WSCD1: variants seen among roughly 807,000 people sequenced by gnomAD.
The protein encoded by WSCD1 is sialate:O-sulfotransferase 1.
WSCD1 carries 41 observed loss-of-function variants against 60.4 expected under a neutral mutation model. The ratio of observed to expected loss-of-function variants is 0.68; its 90% CI spans 0.53 to 0.88. The LOEUF (loss-of-function observed/expected upper bound fraction) is 0.88. Among genes scored for constraint, WSCD1 ranks in the 40% least tolerant of loss-of-function variants. WSCD1 has a pLI of 0.00. For missense variants in WSCD1, 784 were observed against 796.2 expected (o/e 0.98, Z 0.18); for synonymous variants, 361 against 332.5 (o/e 1.09, Z -0.93).
At chr17:6,085,259 T>G (rs1466547869) in intron 2 of WSCD1, among the ~76,000 whole-genome samples, 1 of 152,232 alleles carries the variant, frequency 6.6e-6, no homozygotes, top group African/African-American at 2.4e-5. Flanking sequence ...AACAGCCTTA[T>G]GATGTAAGTG....
intron 4 of WSCD1, among the ~76,000 whole-genome samples, chr17:6,094,780 A>AAGGAAGGG (rs1910298439): frequency 6.7e-6 from 1 of 149,700 alleles, no homozygotes; most frequent in African/African-American, 2.5e-5. Context: ...CAAGAGAAGG[A>AAGGAAGGG]AGGAAGGAAG....
intron 2 of WSCD1, among the ~76,000 whole-genome samples, chr17:6,084,105 C>G (rs947641324): frequency 3.9e-5 from 6 of 152,190 alleles, no homozygotes; most frequent in African/African-American, 1.4e-4. Flanking sequence ...GGCTGCCTCC[C>G]CAGTGGCTCC....
chr17:6,090,234 C>A (rs1440004159), intron 3 of WSCD1, 87 bp from the exon 4 acceptor site: 1 of 1,323,248 alleles, frequency 7.6e-7, no homozygotes, highest in Admixed American at 2.7e-5. Context: ...ACTTTCTAAT[C>A]TACATCAAGC....
Position 6,111,000 on chromosome 17 carries a change from C to G in WSCD1, c.1174+65C>G, listed in dbSNP as rs777173255. The stretch of plus-strand genomic sequence containing the variant: ...GGTGACCAAACTGTCACCTTGCCAG[C>G]CAAGCTTCTCAGAGCACTAGAGCAG... On this transcript the variant is annotated intron_variant, in intron 7 of 8. Transcript: ENST00000317744. This position sits in a 1 kb window ranked among gnomAD's most constrained non-coding sequence, Gnocchi z 4.8. 7.2e-6 allele frequency: 11 copies of G among 1,534,406 alleles called. No individual in the cohort carries two copies. The highest frequency in any genetic ancestry group is 9.7e-6 in the Non-Finnish European group (11 of 1,135,984).
Position 6,121,640 on chromosome 17 carries a change from C to G in WSCD1, c.*979C>G, listed in dbSNP as rs1172963227. The G allele has an allele frequency of 1.3e-5, 2 of 152,346 alleles. No individual in the cohort carries two copies. Among genetic ancestry groups the G allele is most frequent in the East Asian group, 3.9e-4 (2 of 5,164 alleles). The allele number at this position is 152,346 out of a possible 1,614,324, so 9.4% of individuals were successfully genotyped here. On this transcript the variant is annotated 3_prime_UTR_variant, in exon 9 of 9. Coordinates refer to ENST00000317744, the MANE Select transcript of WSCD1 (RefSeq NM_015253.2). Reference sequence around the variant, plus strand: ...GGACCTGTACACTAGCAGGATGGGTCTTGGGAGTTGGCATGGGGAGATTGT... The same window carrying G: ...GGACCTGTACACTAGCAGGATGGGTGTTGGGAGTTGGCATGGGGAGATTGT...
Position 6,117,981 on chromosome 17 carries a change from C to T in WSCD1, c.1175-7C>T, listed in dbSNP as rs964154554. 5.0e-6 allele frequency: 8 copies of T among 1,612,728 alleles called. No individual in the cohort carries two copies. In the African/African-American group the frequency reaches 1.1e-4, roughly 22 times the overall value. On this transcript the variant is annotated splice_polypyrimidine_tract_variant and splice_region_variant and intron_variant, in intron 7 of 8. Transcript: ENST00000317744. The stretch of plus-strand genomic sequence containing the variant: ...TTCCACAGAGACCCTCTCATTTTTC[C>T]CTGCAGGGTTCAAGGGCGAAAAGGA...
intron 5 of WSCD1, among the ~76,000 whole-genome samples, chr17:6,100,038 G>T (rs1910706807): frequency 6.6e-6 from 1 of 152,190 alleles, no homozygotes; most frequent in Non-Finnish European, 1.5e-5. Context: ...GGTGGGAGGG[G>T]CTGGTATGGC....
At chr17:6,105,762 G>A (rs1812962693) in intron 5 of WSCD1, among the ~76,000 whole-genome samples, 1 of 152,220 alleles carries the variant, frequency 6.6e-6, no homozygotes, top group Admixed American at 6.5e-5. Flanking sequence ...GGCTGTTACT[G>A]CTGGGAAGGG....
intron 2 of WSCD1, among the ~76,000 whole-genome samples, chr17:6,083,849 T>G (rs985053883): frequency 2.6e-5 from 4 of 152,116 alleles, no homozygotes; most frequent in Non-Finnish European, 5.9e-5. Context: ...CAGCCCTGAC[T>G]GCAGAGTGTA....
upstream of WSCD1, among the ~76,000 whole-genome samples, chr17:6,069,813 GGTGT>G (rs143740158): frequency 5.9e-4 from 86 of 146,654 alleles, 4 homozygotes; most frequent in South Asian, 0.015. Context: ...GTGCGTGTGT[GGTGT>G]GTGTGTGTAT....
chr17:6,102,156 G>GT (rs1279279241), intron 5 of WSCD1, among the ~76,000 whole-genome samples: 8 of 152,192 alleles, frequency 5.3e-5, no homozygotes, highest in Non-Finnish European at 1.0e-4. Flanking sequence ...TTTCTTCTAA[G>GT]TTTTTTTGCT....
chr17:6,081,126 C>A (rs1429563966), intron 2 of WSCD1, 41 bp downstream of exon 2: 31 of 1,500,646 alleles, frequency 2.1e-5, no homozygotes, highest in Non-Finnish European at 2.8e-5. Flanking sequence ...TTCCCAGGAC[C>A]CCCCATTCAG....
chr17:6,097,359 C>T (rs1012664867), intron 5 of WSCD1, among the ~76,000 whole-genome samples: 4 of 152,258 alleles, frequency 2.6e-5, no homozygotes, highest in African/African-American at 9.6e-5. Flanking sequence ...TCCTCTCACT[C>T]CATGCATTTC....
chr17:6,069,777 G>A (rs1352532138), upstream of WSCD1, among the ~76,000 whole-genome samples: 2 of 85,706 alleles, frequency 2.3e-5, no homozygotes, highest in Non-Finnish European at 4.6e-5. Context: ...GTGATCCGGT[G>A]TGTGTGTGTG....
rs375659487 is a variant in WSCD1 at position 6,118,339 on chromosome 17, T to C, written c.1375+151T>C. On this transcript the variant is annotated intron_variant, in intron 8 of 8. Transcript: ENST00000317744. This position sits in a 1 kb window ranked among gnomAD's most constrained non-coding sequence, Gnocchi z 5.8. ...CTCAAACCCCATCCTGCTAGGGACT[T>C]AGTGCTGCTGTGCCTGGGCTTGAGT... 2.3e-5 allele frequency: 20 copies of C among 855,360 alleles called. No individual in the cohort carries two copies. The highest frequency in any genetic ancestry group is 9.4e-5 in the Admixed American group (4 of 42,570). 53.0% of individuals were successfully genotyped at this position (855,360 alleles called of 1,614,324 possible). A position where few individuals can be genotyped will look rare whatever the true frequency, so the allele number is the denominator to read the frequency against.
intron 1 of WSCD1, among the ~76,000 whole-genome samples, chr17:6,073,410 A>T (rs1472140509): frequency 7.2e-5 from 11 of 152,314 alleles, no homozygotes; most frequent in African/African-American, 2.2e-4. Flanking sequence ...TGGGCAGATC[A>T]CCTGAGTCCA....
intron 5 of WSCD1, among the ~76,000 whole-genome samples, chr17:6,100,387 G>A (rs200863285): frequency 6.6e-6 from 1 of 152,234 alleles, no homozygotes; most frequent in Admixed American, 6.5e-5. Flanking sequence ...ATTTCAGGTA[G>A]GGCAAGAACA....
chr17:6,095,366 G>T, intron 5 of WSCD1, 143 bp downstream of exon 5: 1 of 1,188,784 alleles, frequency 8.4e-7, no homozygotes, highest in African/African-American at 1.6e-5. Flanking sequence ...ATGGGAGGCA[G>T]GCACCAGGTA....
intron 3 of WSCD1, among the ~76,000 whole-genome samples, chr17:6,088,378 G>A (rs1015074212): frequency 6.6e-6 from 1 of 152,096 alleles, no homozygotes; most frequent in Non-Finnish European, 1.5e-5. Context: ...CTTGGGTGCT[G>A]GTGCTGGGTG....
Sources: allele counts gnomAD v4.1 joint callset (sites outside exome capture counted in the v4.1 genomes callset), GRCh38; gene constraint gnomAD v4.1.1; non-coding constraint Gnocchi (gnomAD v3.1); transcripts MANE v1.5; gene names NCBI Gene and HGNC (gene_info 2026-07-23, HGNC 2026-07-21).